Variants in LRP12 observed in about 807,000 individuals in gnomAD.
LRP12 encodes the protein low-density lipoprotein receptor-related protein 12.
Under a neutral mutation model 66.0 loss-of-function variants are expected in LRP12, and 14 were observed. The observed-to-expected ratio is 0.21, with a 90% CI of 0.14 to 0.33. The LOEUF (loss-of-function observed/expected upper bound fraction) is 0.33. Ranked by LOEUF, LRP12 falls within the 10% of genes least tolerant of loss-of-function variation. The pLI, the probability that LRP12 is intolerant of heterozygous loss-of-function variation, is 1.00. For missense variants in LRP12, 889 were observed against 1,053.4 expected, an observed-to-expected ratio of 0.84 and a Z score of 2.16; for synonymous variants, 357 against 359.1, an observed-to-expected ratio of 0.99 and a Z score of 0.07.
intron 6 of LRP12, among the ~76,000 whole-genome samples, chr8:104,493,177 A>G (rs1810664642): frequency 6.6e-6 from 1 of 152,212 alleles, no homozygotes; most frequent in South Asian, 2.1e-4. Flanking sequence ...TGTTCTAGGA[A>G]TAATTTCATA....
rs532435409 is a variant in LRP12, at chr8:104,490,709, G to A, written c.2544C>T (p.Asn848=). Residue 848 remains asparagine (N), a synonymous_variant, in exon 7 of 7, where the codon AAC becomes AAT. Transcript: ENST00000276654. The part of the protein sequence containing the change: ...PDTCLEVTLK[N]ETSDDEALLL... ...ACAAAGCCTCATCATCACTCGTTTC[G>A]TTTTTCAGTGTTACTTCTAAGCAAG... 58 of 1,613,396 alleles carry A rather than the reference G, an allele frequency of 3.6e-5. 1 individual carries two copies. In the East Asian group the frequency reaches 8.5e-4, roughly 24 times the overall value.
At chr8:104,551,130 C>G (rs996062147) in intron 1 of LRP12, among the ~76,000 whole-genome samples, 2 of 152,102 alleles carry the variant, frequency 1.3e-5, no homozygotes, top group Non-Finnish European at 2.9e-5. Flanking sequence ...AAAATACATA[C>G]AGTTTCTGAA....
intron 1 of LRP12, among the ~76,000 whole-genome samples, chr8:104,547,919 T>C (rs1811622303): frequency 7.8e-6 from 1 of 129,000 alleles, no homozygotes; most frequent in East Asian, 2.2e-4. Context: ...TTATATTTTG[T>C]ATATAATATA....
At chr8:104,517,639 A>G (rs1811091813) in intron 2 of LRP12, among the ~76,000 whole-genome samples, 1 of 152,120 alleles carries the variant, frequency 6.6e-6, no homozygotes, top group African/African-American at 2.4e-5. Context: ...TCTGTTCATA[A>G]GCAAAGGATA....
At chr8:104,547,541 AAT>A (rs1173112453) in intron 1 of LRP12, among the ~76,000 whole-genome samples, 2 of 125,620 alleles carry the variant, frequency 1.6e-5, no homozygotes, top group Non-Finnish European at 3.1e-5. Context: ...TTTTGTATAT[AAT>A]ATATAATTAC....
At chr8:104,530,019 A>G (rs1811301939) in intron 2 of LRP12, among the ~76,000 whole-genome samples, 1 of 152,210 alleles carries the variant, frequency 6.6e-6, no homozygotes, top group Admixed American at 6.5e-5. Context: ...TTTTCTTTTA[A>G]GTCAATCATT....
At chr8:104,535,380 C>T (rs1811380002) in intron 1 of LRP12, among the ~76,000 whole-genome samples, 1 of 151,944 alleles carries the variant, frequency 6.6e-6, no homozygotes, top group Non-Finnish European at 1.5e-5. Flanking sequence ...TTTATATAGT[C>T]ATGAACTTCA....
intron 1 of LRP12, among the ~76,000 whole-genome samples, chr8:104,572,140 A>G (rs993217763): frequency 6.6e-6 from 1 of 152,228 alleles, no homozygotes; most frequent in Admixed American, 6.5e-5. Context: ...TGCTGAGTAA[A>G]AGCAGTCAGT....
chr8:104,588,199 G>A (rs1279436153), intron 1 of LRP12, among the ~76,000 whole-genome samples: 2 of 152,182 alleles, frequency 1.3e-5, no homozygotes, highest in African/African-American at 2.4e-5. Context: ...CTGAGGTGGG[G>A]CTGGAAACTA....
chr8:104,541,481 T>C (rs1263227622), intron 1 of LRP12, among the ~76,000 whole-genome samples: 1 of 152,224 alleles, frequency 6.6e-6, no homozygotes, highest in African/African-American at 2.4e-5. Context: ...CCTATATTTC[T>C]TACAGTAACA....
intron 2 of LRP12, among the ~76,000 whole-genome samples, chr8:104,516,051 G>A (rs980569085): frequency 2.6e-5 from 4 of 152,236 alleles, no homozygotes; most frequent in African/African-American, 9.6e-5. Context: ...ACCAAGCCCA[G>A]CCAGTATCAA....
intron 1 of LRP12, among the ~76,000 whole-genome samples, chr8:104,558,685 C>G (rs1811851654): frequency 6.6e-6 from 1 of 151,372 alleles, no homozygotes; most frequent in Admixed American, 6.6e-5. Flanking sequence ...CAGAGTGGGA[C>G]AAAATCTTCC....
intron 1 of LRP12, among the ~76,000 whole-genome samples, chr8:104,585,841 T>C (rs1812321382): frequency 6.6e-6 from 1 of 152,212 alleles, no homozygotes; most frequent in African/African-American, 2.4e-5. Context: ...CTGTCAGAAT[T>C]ACCAAATTGT....
chr8:104,491,543 C>CA lies in LRP12; in HGVS notation c.1714-5dup, dbSNP rs755719750. On this transcript the variant is annotated splice_region_variant and splice_polypyrimidine_tract_variant and intron_variant, in intron 6 of 6. Coordinates refer to ENST00000276654, the MANE Select transcript of LRP12 (RefSeq NM_013437.5). Reference sequence around the variant, plus strand: ...TCAGATTTTCCAAAACAGAAGCCTACAAAAATAAGAAAAGATCTTAAGATA... The same window carrying CA: ...TCAGATTTTCCAAAACAGAAGCCTACAAAAAATAAGAAAAGATCTTAAGATA... The CA allele has an allele frequency of 2.2e-5, 33 of 1,511,386 alleles. No individual in the cohort carries two copies. In the South Asian group the frequency reaches 3.9e-4, roughly 18 times the overall value. 93.6% of individuals were successfully genotyped at this position (1,511,386 alleles called of 1,614,324 possible).
Position 104,495,133 on chromosome 8 carries a change from T to C in LRP12, c.1657A>G (p.Ile553Val). The stretch of plus-strand genomic sequence containing the variant: ...ACTGGTGGAATTAAACCCTGAGCAA[T>C]CAATTGTCCATACGAGGGAGGAGCT... ...REAPPSYGQL[I>V]AQGLIPPVED... Residue 553 changes from isoleucine (I) to valine (V), a missense_variant, in exon 6 of 7, where the codon ATT becomes GTT. By Grantham distance (29) the Ile-to-Val change is conservative. This residue lies in a region of LRP12 where 800 missense variants were observed against 964.5 expected (regional missense o/e 0.83). Coordinates refer to ENST00000276654, the MANE Select transcript of LRP12 (RefSeq NM_013437.5). 1 of 1,613,844 alleles carries C rather than the reference T, an allele frequency of 6.2e-7. No individual in the cohort carries two copies. Among genetic ancestry groups the C allele is most frequent in the Admixed American group, 1.7e-5 (1 of 60,028 alleles).
intron 3 of LRP12, chr8:104,505,945 C>G (rs1032773109): frequency 1.3e-5 from 2 of 152,106 alleles, no homozygotes; most frequent in African/African-American, 4.8e-5. Flanking sequence ...TTTAGCATTT[C>G]CTACACTTAT....
chr8:104,497,341 C>A lies in LRP12; in HGVS notation c.1211G>T (p.Gly404Val). 1 of 1,614,104 alleles carries A rather than the reference C, an allele frequency of 6.2e-7. No individual in the cohort carries two copies. ...CATGGTACAATTGGTTTCATCCCTT[C>A]CATTTGGGCAATGCCAATACCCATC... ...RCDGYWHCPN[G>V]RDETNCTMCQ... The change falls in exon 5 of 7, where the codon GGA (glycine) becomes GTA (valine). Residue 404 changes from glycine (G) to valine (V), a missense_variant. Gly to Val is a moderately radical substitution (Grantham distance 109). This residue lies in a region of LRP12 where 800 missense variants were observed against 964.5 expected (regional missense o/e 0.83). Transcript: ENST00000276654. The surrounding 1 kb of genome is among the most constrained non-coding windows in gnomAD (Gnocchi z 4.3).
At chr8:104,556,635 C>T (rs917248961) in intron 1 of LRP12, among the ~76,000 whole-genome samples, 5 of 151,618 alleles carry the variant, frequency 3.3e-5, no homozygotes, top group Non-Finnish European at 7.4e-5. Context: ...AAATTGTTCA[C>T]AAAAAAAAGT....
intron 3 of LRP12, among the ~76,000 whole-genome samples, chr8:104,503,882 C>T (rs1404818001): frequency 1.3e-5 from 2 of 152,172 alleles, no homozygotes; most frequent in Non-Finnish European, 2.9e-5. Context: ...TAAAAGCACA[C>T]ATTTTTGTCT....
Sources: gnomAD v4.1 joint callset for allele counts (sites outside exome capture counted in the v4.1 genomes callset) on GRCh38, gnomAD v4.1.1 for gene constraint, gnomAD v4.1.1 regional missense constraint, Gnocchi (gnomAD v3.1) non-coding constraint, MANE v1.5 for transcripts, NCBI Gene and HGNC (gene_info 2026-07-23, HGNC 2026-07-21) for gene names.